STXBP5L: variants seen among roughly 807,000 people sequenced by gnomAD.
STXBP5L encodes the protein syntaxin-binding protein 5-like.
A neutral mutation model predicts 144.5 loss-of-function variants in STXBP5L; 65 were observed. The ratio of observed to expected loss-of-function variants is 0.45; its 90% CI spans 0.37 to 0.55. The LOEUF (loss-of-function observed/expected upper bound fraction) is 0.55, where lower values mean the gene tolerates loss of function less well. Ranked by LOEUF, STXBP5L falls within the 20% of genes least tolerant of loss-of-function variation. The pLI, the probability that STXBP5L is intolerant of heterozygous loss-of-function variation, is 0.00. For synonymous variants in STXBP5L, 505 were observed against 469.6 expected, an observed-to-expected ratio of 1.08 and a Z score of -0.97; for missense variants, 1,298 against 1,405.5, an observed-to-expected ratio of 0.92 and a Z score of 1.22.
intron 7 of STXBP5L, among the ~76,000 whole-genome samples, chr3:121,128,231 C>T (rs182761547): frequency 5.9e-4 from 89 of 151,924 alleles, no homozygotes; most frequent in Middle Eastern, 6.8e-3. Flanking sequence ...TTGGCAGGGA[C>T]ACTTGGATAT....
intron 5 of STXBP5L, among the ~76,000 whole-genome samples, chr3:121,098,774 G>T (rs1453886956): frequency 6.6e-6 from 1 of 152,164 alleles, no homozygotes; most frequent in Non-Finnish European, 1.5e-5. Flanking sequence ...GACCACTCTG[G>T]CCATTGTTCC....
At chr3:121,397,143 G>T (rs1429955623) in intron 22 of STXBP5L, among the ~76,000 whole-genome samples, 1 of 152,238 alleles carries the variant, frequency 6.6e-6, no homozygotes, top group Non-Finnish European at 1.5e-5. Context: ...CAGGCTGCAG[G>T]TTGTTTACTG....
At chr3:121,065,794 G>T (rs528875457) in intron 5 of STXBP5L, among the ~76,000 whole-genome samples, 64 of 152,220 alleles carry the variant, frequency 4.2e-4, no homozygotes, top group African/African-American at 1.5e-3. Context: ...TGTGGCCAGG[G>T]CTGTGCGATT....
intron 8 of STXBP5L, among the ~76,000 whole-genome samples, chr3:121,155,897 T>A (rs530894530): frequency 2.1e-4 from 32 of 151,996 alleles, no homozygotes; most frequent in Non-Finnish European, 3.4e-4. Flanking sequence ...AAGTTTAGGG[T>A]TGAGAGTGCC....
intron 10 of STXBP5L, among the ~76,000 whole-genome samples, chr3:121,221,091 G>A (rs896776490): frequency 6.6e-6 from 1 of 151,396 alleles, no homozygotes; most frequent in Non-Finnish European, 1.5e-5. Flanking sequence ...AATAAAATGA[G>A]GACATTGCTT....
intron 20 of STXBP5L, among the ~76,000 whole-genome samples, chr3:121,367,242 A>T (rs568916205): frequency 6.6e-6 from 1 of 152,136 alleles, no homozygotes; most frequent in Admixed American, 6.5e-5. Flanking sequence ...TTATTCCTTC[A>T]TATGGCTTTG....
At chr3:121,244,117 A>G (rs981256158) in intron 14 of STXBP5L, among the ~76,000 whole-genome samples, 12 of 152,104 alleles carry the variant, frequency 7.9e-5, no homozygotes, top group African/African-American at 2.9e-4. Context: ...GTTCAAAATA[A>G]TCATCTTAAA....
chr3:120,928,852 A>AT (rs1215990789), intron 2 of STXBP5L, among the ~76,000 whole-genome samples: 1 of 152,006 alleles, frequency 6.6e-6, no homozygotes, highest in Non-Finnish European at 1.5e-5. Context: ...TCATTTTAGT[A>AT]TTTTTTTATG....
At chr3:120,941,740 C>T (rs1291911226) in intron 2 of STXBP5L, among the ~76,000 whole-genome samples, 1 of 151,684 alleles carries the variant, frequency 6.6e-6, no homozygotes, top group Middle Eastern at 3.4e-3. Flanking sequence ...AATATTTAAT[C>T]GTGGCACTAG....
intron 4 of STXBP5L, among the ~76,000 whole-genome samples, chr3:121,042,425 A>G (rs1947224732): frequency 6.6e-6 from 1 of 152,194 alleles, no homozygotes; most frequent in Non-Finnish European, 1.5e-5. Flanking sequence ...AGATTTTTAT[A>G]GTGGAAATTA....
chr3:121,125,316 C>CA (rs1435404920), intron 7 of STXBP5L, among the ~76,000 whole-genome samples: 1 of 151,846 alleles, frequency 6.6e-6, no homozygotes, highest in African/African-American at 2.4e-5. Flanking sequence ...CAAAAACACA[C>CA]AAAAAATTAG....
At chr3:121,189,523 G>C (rs1299108460) in intron 9 of STXBP5L, among the ~76,000 whole-genome samples, 5 of 152,180 alleles carry the variant, frequency 3.3e-5, no homozygotes, top group Non-Finnish European at 4.4e-5. Flanking sequence ...TCAAAGATCA[G>C]ATGGTTGTAG....
chr3:121,026,171 A>C (rs1205798246), intron 3 of STXBP5L, among the ~76,000 whole-genome samples: 2 of 151,644 alleles, frequency 1.3e-5, no homozygotes, highest in Non-Finnish European at 2.9e-5. Context: ...CTATATGATC[A>C]AGTACTTGCT....
At chr3:121,006,880 C>T (rs996942752) in intron 3 of STXBP5L, among the ~76,000 whole-genome samples, 1 of 152,148 alleles carries the variant, frequency 6.6e-6, no homozygotes, top group Non-Finnish European at 1.5e-5. Flanking sequence ...TATTGGCCCC[C>T]ACTCTCTTCT....
chr3:121,258,926 C>CTGCA, intron 17 of STXBP5L, 117 bp from the exon 18 acceptor site: 2 of 974,754 alleles, frequency 2.1e-6, no homozygotes, highest in Non-Finnish European at 2.7e-6. Flanking sequence ...CATCTGCATG[C>CTGCA]TGCCTGCAAT....
At chr3:120,938,569 C>T (rs1054315427) in intron 2 of STXBP5L, among the ~76,000 whole-genome samples, 1 of 152,150 alleles carries the variant, frequency 6.6e-6, no homozygotes, top group Non-Finnish European at 1.5e-5. Context: ...GTTCCTTTAA[C>T]TCAATGGTTG....
chr3:121,413,303 G>A lies in STXBP5L; in HGVS notation c.3094G>A (p.Glu1032Lys). Residue 1032 changes from glutamate (E) to lysine (K), a missense_variant, in exon 24 of 27, where the codon GAA becomes AAA. Glu to Lys is a moderately conservative substitution (Grantham distance 56). Coordinates refer to ENST00000471454, the MANE Select transcript of STXBP5L (RefSeq NM_001308330.2). ...AATTCAGCGGTTAACATACAGCCAA[G>A]AAATGTGTGATAATCTACAGGTAGG... ...TEIQRLTYSQ[E>K]MCDNLQDMLG... 6.3e-7 allele frequency: 1 copy of A among 1,580,078 alleles called. No homozygotes were observed.
chr3:121,171,230 A>G (rs2108060761), intron 9 of STXBP5L, among the ~76,000 whole-genome samples: 1 of 152,326 alleles, frequency 6.6e-6, no homozygotes, highest in East Asian at 1.9e-4. Context: ...AGAGCTATTT[A>G]TAACAAACCC....
rs188801815 is a variant in STXBP5L, at chr3:121,244,308, A to G, written c.1400+3801A>G. ...AGAGTGTCAACAACAGACTTGGCCA[A>G]GCAGAAGAAAGAATCAGTGAACTTG... On this transcript the variant is annotated intron_variant, in intron 14 of 26. Transcript: ENST00000471454. Among the ~76,000 whole-genome samples, 58 of 152,146 alleles carry G rather than the reference A, an allele frequency of 3.8e-4. No homozygotes were observed. In the East Asian group the frequency reaches 6.4e-3, roughly 17 times the overall value.
Sources: allele counts gnomAD v4.1 joint callset (sites outside exome capture counted in the v4.1 genomes callset), GRCh38; gene constraint gnomAD v4.1.1; transcripts MANE v1.5; gene names NCBI Gene and HGNC (gene_info 2026-07-23, HGNC 2026-07-21).